Variants in TUSC3 observed in about 807,000 individuals in gnomAD.
The protein encoded by TUSC3 is tumor suppressor candidate 3.
TUSC3 carries 45 observed loss-of-function variants against 44.8 expected under a neutral mutation model. That is an observed-to-expected ratio of 1.00 (90% CI 0.79 to 1.29). The LOEUF (loss-of-function observed/expected upper bound fraction) is 1.29, where lower values mean the gene tolerates loss of function less well. TUSC3 is among the 50% of genes most tolerant of loss of function. TUSC3 has a pLI of 0.00. For synonymous variants in TUSC3, 212 were observed against 152.9 expected (o/e 1.39, Z -2.85); for missense variants, 519 against 437.9 (o/e 1.19, Z -1.65).
chr8:15,440,936 A>G (rs1470257843), intron 1 of TUSC3, among the ~76,000 whole-genome samples: 1 of 152,202 alleles, frequency 6.6e-6, no homozygotes, highest in African/African-American at 2.4e-5. Context: ...ATGTTGATGG[A>G]CCAATTTCTA....
intron 3 of TUSC3, chr8:15,651,039 A>G (rs1300864561): frequency 7.8e-6 from 4 of 515,318 alleles, no homozygotes; most frequent in East Asian, 3.5e-5. Flanking sequence ...AATTCATTCA[A>G]TAGGTTAGTA....
intron 5 of TUSC3, 59 bp downstream of exon 5, chr8:15,662,355 TATA>T: frequency 6.2e-7 from 1 of 1,603,356 alleles, no homozygotes; most frequent in South Asian, 1.1e-5. Context: ...ATATAAGTTG[TATA>T]ATATTAACAA....
chr8:15,473,387 C>G (rs1403085082), intron 1 of TUSC3, among the ~76,000 whole-genome samples: 3 of 152,216 alleles, frequency 2.0e-5, no homozygotes, highest in African/African-American at 7.2e-5. Context: ...ATACATGTCA[C>G]TTTCCTATGA....
rs745828172 is a variant in TUSC3 at position 15,748,329 on chromosome 8, A to G, written c.938-46A>G. On this transcript the variant is annotated intron_variant, in intron 8 of 10. Transcript: ENST00000503731. Reference sequence around the variant, plus strand: ...TAAAAATATAAACAATTGGGGTTTCATTTGCATATTTTTAGACACTAATGG... The same window carrying G: ...TAAAAATATAAACAATTGGGGTTTCGTTTGCATATTTTTAGACACTAATGG... 11 of 1,406,982 alleles carry G rather than the reference A, an allele frequency of 7.8e-6. No individual in the cohort carries two copies. The South Asian group carries it at 1.2e-4, about 15-fold the overall frequency. 87.2% of individuals were successfully genotyped at this position (1,406,982 alleles called of 1,614,324 possible). A position where few individuals can be genotyped will look rare whatever the true frequency, so the allele number is the denominator to read the frequency against.
the TUSC3 span, among the ~76,000 whole-genome samples, chr8:15,836,448 G>T: frequency 6.8e-6 from 1 of 146,550 alleles, no homozygotes; most frequent in Non-Finnish European, 1.5e-5. Context: ...CCGCACTCCA[G>T]CCTGGGCAAC....
intron 1 of TUSC3, among the ~76,000 whole-genome samples, chr8:15,449,522 G>A (rs977946580): frequency 6.6e-6 from 1 of 152,132 alleles, no homozygotes; most frequent in Non-Finnish European, 1.5e-5. Flanking sequence ...GCAGCTTCAG[G>A]CAGTTGGTTA....
chr8:15,510,781 A>T (rs1801122753), intron 2 of TUSC3, among the ~76,000 whole-genome samples: 1 of 151,958 alleles, frequency 6.6e-6, no homozygotes. Context: ...TTTAAAAAAA[A>T]ACAGAAAGAC....
intron 1 of TUSC3, among the ~76,000 whole-genome samples, chr8:15,465,708 T>C (rs1241664791): frequency 6.6e-6 from 1 of 152,214 alleles, no homozygotes; most frequent in Non-Finnish European, 1.5e-5. Context: ...ATGCTTAAAA[T>C]AACCCATAGC....
chr8:15,723,127 GT>G (rs1316742226), intron 6 of TUSC3, among the ~76,000 whole-genome samples: 1 of 152,066 alleles, frequency 6.6e-6, no homozygotes, highest in African/African-American at 2.4e-5. Flanking sequence ...ACTGACTTAG[GT>G]TAAGTATCAA....
intron 2 of TUSC3, among the ~76,000 whole-genome samples, chr8:15,502,610 C>T (rs901035524): frequency 2.6e-5 from 4 of 152,218 alleles, no homozygotes; most frequent in African/African-American, 9.6e-5. Flanking sequence ...CCTGTCTCAG[C>T]CTCCCAAGTA....
chr8:15,843,315 G>A, the TUSC3 span, among the ~76,000 whole-genome samples: 1 of 152,064 alleles, frequency 6.6e-6, no homozygotes, highest in Non-Finnish European at 1.5e-5. Flanking sequence ...AGATACGTTT[G>A]GAAAAGCTGG....
chr8:15,510,013 T>TA (rs1194110272), intron 2 of TUSC3, among the ~76,000 whole-genome samples: 3 of 151,632 alleles, frequency 2.0e-5, no homozygotes, highest in Non-Finnish European at 4.4e-5. Flanking sequence ...CTACAAAAAA[T>TA]AAAAAGAAAA....
At chr8:15,777,712 G>C in the TUSC3 span, among the ~76,000 whole-genome samples, 1 of 152,104 alleles carries the variant, frequency 6.6e-6, no homozygotes, top group Non-Finnish European at 1.5e-5. Flanking sequence ...GAGAGGCAAA[G>C]GTAAATGCTT....
chr8:15,532,041 A>G (rs1029363413), intron 2 of TUSC3, among the ~76,000 whole-genome samples: 1 of 152,186 alleles, frequency 6.6e-6, no homozygotes, highest in East Asian at 1.9e-4. Flanking sequence ...GCTTGATAAA[A>G]TTGTCAGTGA....
intron 1 of TUSC3, among the ~76,000 whole-genome samples, chr8:15,437,690 C>T (rs920013105): frequency 2.0e-5 from 3 of 152,160 alleles, no homozygotes; most frequent in African/African-American, 7.2e-5. Context: ...ACAGAGGCAA[C>T]ACTTGGCCCT....
chr8:15,521,800 T>C (rs1044385025), intron 2 of TUSC3, among the ~76,000 whole-genome samples: 1 of 152,202 alleles, frequency 6.6e-6, no homozygotes. Flanking sequence ...TCTTTCTTAT[T>C]GGTCCTTTTC....
At chr8:15,700,849 C>CTGTTTTTTTTTTTT (rs1809367057) in intron 6 of TUSC3, among the ~76,000 whole-genome samples, 1 of 90,534 alleles carries the variant, frequency 1.1e-5, no homozygotes, top group Non-Finnish European at 2.0e-5. Flanking sequence ...ATGGCTGGAG[C>CTGTTTTTTTTTTTT]TTTTTTTTTT....
intron 2 of TUSC3, among the ~76,000 whole-genome samples, chr8:15,624,943 C>G (rs1805425637): frequency 6.6e-6 from 1 of 151,840 alleles, no homozygotes; most frequent in Non-Finnish European, 1.5e-5. Flanking sequence ...TTGATCTGCT[C>G]TTTGAAAGAA....
intron 2 of TUSC3, among the ~76,000 whole-genome samples, chr8:15,633,293 A>T (rs1376648558): frequency 6.6e-6 from 1 of 152,198 alleles, no homozygotes; most frequent in Non-Finnish European, 1.5e-5. Context: ...TAGTTCTCTC[A>T]TCCATAGCAA....
Sources: gnomAD v4.1 joint callset for allele counts (sites outside exome capture counted in the v4.1 genomes callset) on GRCh38, gnomAD v4.1.1 for gene constraint, MANE v1.5 for transcripts, NCBI Gene and HGNC (gene_info 2026-07-23, HGNC 2026-07-21) for gene names.